The following NDRG3 variants were observed in gnomAD, a reference collection of about 807,000 sequenced individuals.
The protein encoded by NDRG3 is protein NDRG3.
Under a neutral mutation model 57.2 loss-of-function variants are expected in NDRG3, and 23 were observed. The observed-to-expected ratio is 0.40, with a 90% CI of 0.29 to 0.57. The LOEUF is 0.57. NDRG3 is among the 20% of genes least tolerant of loss of function. The pLI, the probability that NDRG3 is intolerant of heterozygous loss-of-function variation, is 0.42. For synonymous variants in NDRG3, 132 were observed against 162.6 expected (o/e 0.81, Z 1.43); for missense variants, 384 against 457.3 (o/e 0.84, Z 1.46).
At chr20:36,700,464 G>T (rs1265123228) in intron 3 of NDRG3, 6 of 531,428 alleles carry the variant, frequency 1.1e-5, no homozygotes, top group African/African-American at 1.9e-5. Flanking sequence ...CATATTTTTC[G>T]TGACCTTGTG....
At chr20:36,704,035 T>C (rs1437699867) in intron 3 of NDRG3, among the ~76,000 whole-genome samples, 1 of 152,182 alleles carries the variant, frequency 6.6e-6, no homozygotes, top group East Asian at 1.9e-4. Flanking sequence ...TCATTTATTT[T>C]GCAACAAGTA....
chr20:36,688,361 C>A (rs1981964079), intron 4 of NDRG3, among the ~76,000 whole-genome samples: 3 of 150,912 alleles, frequency 2.0e-5, no homozygotes, highest in African/African-American at 7.4e-5. Context: ...AATTTTCTAA[C>A]CTGAAACATA....
At chr20:36,732,151 A>T (rs1985324969) in intron 1 of NDRG3, among the ~76,000 whole-genome samples, 1 of 152,138 alleles carries the variant, frequency 6.6e-6, no homozygotes, top group Non-Finnish European at 1.5e-5. Context: ...AGAAATATAG[A>T]ATCTAACATT....
intron 3 of NDRG3, chr20:36,700,413 CAAAA>C (rs780518790): frequency 1.9e-6 from 1 of 519,936 alleles, no homozygotes; most frequent in Non-Finnish European, 3.9e-6. Flanking sequence ...GAATAAAAAA[CAAAA>C]AGAAAGGAAG....
chr20:36,711,978 A>G (rs1039383686), intron 2 of NDRG3, among the ~76,000 whole-genome samples: 4 of 152,156 alleles, frequency 2.6e-5, no homozygotes, highest in Admixed American at 1.3e-4. Context: ...ACGGGGTTTC[A>G]CCATGTTAGC....
chr20:36,696,048 A>G (rs1568650102), intron 3 of NDRG3, among the ~76,000 whole-genome samples: 2 of 152,168 alleles, frequency 1.3e-5, no homozygotes, highest in Admixed American at 6.5e-5. Flanking sequence ...ATAGAAAAGA[A>G]CCTACACTGA....
At chr20:36,735,440 T>C (rs180709900) in intron 1 of NDRG3, among the ~76,000 whole-genome samples, 111 of 152,336 alleles carry the variant, frequency 7.3e-4, no homozygotes, top group African/African-American at 2.6e-3. Context: ...ATACTCAACC[T>C]GTATTTCCAT....
At chr20:36,743,939 T>C (rs1326243645) in intron 1 of NDRG3, among the ~76,000 whole-genome samples, 1 of 137,352 alleles carries the variant, frequency 7.3e-6, no homozygotes, top group Admixed American at 7.1e-5. Flanking sequence ...GGAGCTCTGT[T>C]GCCCAGGCTG....
At chr20:36,673,868 G>T (rs913731225) in intron 8 of NDRG3, among the ~76,000 whole-genome samples, 1 of 151,876 alleles carries the variant, frequency 6.6e-6, no homozygotes, top group African/African-American at 2.4e-5. Context: ...ACTTTGGGAG[G>T]CCAAGACGGG....
intron 1 of NDRG3, among the ~76,000 whole-genome samples, chr20:36,739,696 G>C (rs1246315796): frequency 1.3e-5 from 2 of 151,924 alleles, no homozygotes; most frequent in African/African-American, 2.4e-5. Context: ...GCTGAGGTGG[G>C]CGGATCATGA....
intron 3 of NDRG3, among the ~76,000 whole-genome samples, chr20:36,704,396 G>A (rs775005074): frequency 3.3e-5 from 5 of 152,034 alleles, no homozygotes; most frequent in East Asian, 3.9e-4. Flanking sequence ...TTCTTACTTC[G>A]GAGGAGGTGC....
chr20:36,654,445 T>C (rs187453239), intron 15 of NDRG3, among the ~76,000 whole-genome samples: 45 of 152,318 alleles, frequency 3.0e-4, no homozygotes, highest in African/African-American at 1.0e-3. Flanking sequence ...TGCAGAGTTC[T>C]CTGGGCACAG....
intron 1 of NDRG3, among the ~76,000 whole-genome samples, chr20:36,739,648 G>A (rs182912978): frequency 1.7e-3 from 255 of 149,984 alleles, no homozygotes; most frequent in Non-Finnish European, 3.0e-3. Flanking sequence ...TCGGCCGGGC[G>A]CCGGTGGCTC....
At chr20:36,739,365 T>C (rs544326583) in intron 1 of NDRG3, among the ~76,000 whole-genome samples, 3 of 147,510 alleles carry the variant, frequency 2.0e-5, no homozygotes, top group Non-Finnish European at 4.5e-5. Flanking sequence ...GAAAATCCCA[T>C]GAACCTGGGA....
At chr20:36,738,650 CCA>C (rs1985737167) in intron 1 of NDRG3, among the ~76,000 whole-genome samples, 1 of 150,970 alleles carries the variant, frequency 6.6e-6, no homozygotes, top group Non-Finnish European at 1.5e-5. Flanking sequence ...TGGTGAAACC[CCA>C]TCTCTACTAA....
chr20:36,662,458 C>T (rs1395790432), intron 12 of NDRG3, among the ~76,000 whole-genome samples: 100 of 152,234 alleles, frequency 6.6e-4, no homozygotes, highest in Non-Finnish European at 2.9e-4. Flanking sequence ...GGTGATCCAC[C>T]AATCTCGGCC....
chr20:36,725,140 A>G (rs1984845499), intron 1 of NDRG3, among the ~76,000 whole-genome samples: 1 of 151,154 alleles, frequency 6.6e-6, no homozygotes, highest in African/African-American at 2.4e-5. Flanking sequence ...TACTAAAAAT[A>G]AAAAAAATTA....
At chr20:36,697,971 T>G (rs1982944967) in intron 3 of NDRG3, among the ~76,000 whole-genome samples, 1 of 145,842 alleles carries the variant, frequency 6.9e-6, no homozygotes, top group Middle Eastern at 3.4e-3. Context: ...TTCTTTTTTT[T>G]TTTTTTTTTT....
intron 10 of NDRG3, 115 bp downstream of exon 10, chr20:36,666,174 A>C (rs1159465251): frequency 2.6e-6 from 2 of 771,628 alleles, no homozygotes; most frequent in African/African-American, 1.7e-5. Flanking sequence ...AGGGGCTCAC[A>C]TTTTCACCTC....
Sources: gnomAD v4.1 joint callset for allele counts (sites outside exome capture counted in the v4.1 genomes callset) on GRCh38, gnomAD v4.1.1 for gene constraint, MANE v1.5 for transcripts, NCBI Gene and HGNC (gene_info 2026-07-23, HGNC 2026-07-21) for gene names.